The following BORA variants were observed in gnomAD, a reference collection of about 807,000 sequenced individuals.
BORA encodes protein aurora borealis.
Under a neutral mutation model 55.8 loss-of-function variants are expected in BORA, and 26 were observed. That is an observed-to-expected ratio of 0.47 (90% CI 0.34 to 0.65). BORA has a LOEUF of 0.65. Among genes scored for constraint, BORA ranks in the 30% least tolerant of loss-of-function variants. The pLI is 0.01. For synonymous variants in BORA, 201 were observed against 216.9 expected (o/e 0.93, Z 0.64); for missense variants, 568 against 671.5 (o/e 0.85, Z 1.70).
intron 5 of BORA, among the ~76,000 whole-genome samples, chr13:72,738,356 T>G (rs2032974707): frequency 6.6e-6 from 1 of 152,316 alleles, no homozygotes; most frequent in East Asian, 1.9e-4. Context: ...GTTAATGACT[T>G]TAGCAGTATT....
Position 72,755,452 on chromosome 13 carries a change from TTGAGTGA to T in BORA, c.*239_*245del, listed in dbSNP as rs1483857333. On this transcript the variant is annotated 3_prime_UTR_variant, in exon 12 of 12. Transcript: ENST00000390667. ...ATCAATAAATATTTTTATACTTACA[TTGAGTGA>T]TGTGTTTAACAACAAATTGTGACAG... 2 of 488,466 alleles carry T rather than the reference TTGAGTGA, an allele frequency of 4.1e-6. No homozygotes were observed. Among genetic ancestry groups the T allele is most frequent in the Non-Finnish European group, 7.2e-6 (2 of 276,654 alleles). The allele number at this position is 488,466 out of a possible 1,614,324, so 30.3% of individuals were successfully genotyped here.
chr13:72,732,950 G>T (rs935020309), intron 3 of BORA, among the ~76,000 whole-genome samples: 1 of 152,128 alleles, frequency 6.6e-6, no homozygotes, highest in African/African-American at 2.4e-5. Context: ...AATATAATTA[G>T]ACCAAAGTTG....
intron 5 of BORA, among the ~76,000 whole-genome samples, chr13:72,742,488 T>A (rs1262653554): frequency 6.6e-6 from 1 of 152,066 alleles, no homozygotes; most frequent in Non-Finnish European, 1.5e-5. Flanking sequence ...CATTTTAATC[T>A]GTTGAGGACA....
In BORA at chr13:72,746,001, A is replaced by C. The variant is rs770294178; in HGVS notation, c.796A>C (p.Ile266Leu). ...ASAKKYSLGS[I>L]TSPSPISSPT... ...TGCAAAAAAATACAGCTTGGGAAGC[A>C]TAACTAGTCCTTCGCCTATTTCTTC... is the stretch of plus-strand genomic sequence containing the variant. Residue 266 changes from isoleucine (I) to leucine (L), a missense_variant, in exon 9 of 12, where the codon ATA becomes CTA. Coordinates refer to ENST00000390667, the MANE Select transcript of BORA (RefSeq NM_024808.5). 1 of 1,612,924 alleles carries C rather than the reference A, an allele frequency of 6.2e-7. No homozygotes were observed. Among genetic ancestry groups the C allele is most frequent in the East Asian group, 2.2e-5 (1 of 44,814 alleles).
At chr13:72,731,198 T>C in intron 2 of BORA, 83 bp from the exon 3 acceptor site, 1 of 780,698 alleles carries the variant, frequency 1.3e-6, no homozygotes, top group South Asian at 1.6e-5. Context: ...TTATAACCAT[T>C]CATATTATTT....
intron 5 of BORA, among the ~76,000 whole-genome samples, chr13:72,741,910 C>G (rs903546146): frequency 6.6e-6 from 1 of 152,060 alleles, no homozygotes; most frequent in Non-Finnish European, 1.5e-5. Flanking sequence ...GTTTTAGGTA[C>G]TCAAATAATA....
chr13:72,749,686 T>C lies in BORA; in HGVS notation c.1482+2575T>C, dbSNP rs150556292. 6.5e-3 allele frequency among the ~76,000 whole-genome samples: 983 copies of C among 152,274 alleles called. 11 individuals are homozygous for C. The highest frequency in any genetic ancestry group is 0.021 in the African/African-American group (862 of 41,554). On this transcript the variant is annotated intron_variant, in intron 10 of 11. Transcript: ENST00000390667. ...TCTACTCTCCAGCTTGTTTCCTTCATTCTCTGTTTAGGTCCCACTAGCTTT... is the reference window on the plus strand; with the variant it reads ...TCTACTCTCCAGCTTGTTTCCTTCACTCTCTGTTTAGGTCCCACTAGCTTT...
chr13:72,741,623 G>C (rs369638631), intron 5 of BORA, among the ~76,000 whole-genome samples: 59 of 152,020 alleles, frequency 3.9e-4, no homozygotes, highest in African/African-American at 1.3e-3. Context: ...CAAATCCATC[G>C]ATTTTTTTTT....
chr13:72,727,993 G>A lies in BORA; in HGVS notation c.-30G>A. The A allele has an allele frequency of 2.6e-6, 4 of 1,542,416 alleles. No homozygotes were observed. Among genetic ancestry groups the A allele is most frequent in the Admixed American group, 2.0e-5 (1 of 49,606 alleles). ...CCCTGGAGTCGGTACTGGGGGCTTC[G>A]TTTTGTACGCACCGGTAGGTACGCT... On this transcript the variant is annotated 5_prime_UTR_variant, in exon 1 of 12. Transcript: ENST00000390667.
At chr13:72,735,769 G>A (rs987543717) in intron 4 of BORA, among the ~76,000 whole-genome samples, 7 of 149,634 alleles carry the variant, frequency 4.7e-5, no homozygotes, top group South Asian at 4.2e-4. Context: ...GCCACCACAC[G>A]CAGCTAATTT....
rs370200384 is a variant in BORA at position 72,753,836 on chromosome 13, T to C, written c.1614+15T>C. 16 of 1,600,006 alleles carry C rather than the reference T, an allele frequency of 1.0e-5. No individual in the cohort carries two copies. The highest frequency in any genetic ancestry group is 8.0e-5 in the African/African-American group (6 of 74,666). On this transcript the variant is annotated intron_variant, in intron 11 of 11. Transcript: ENST00000390667. ...TTAATATGAAGGTACGGAGAAAATA[T>C]AGTGAAAGCTTAATATTGTTTAGAT...
rs948244456 is a variant in BORA at position 72,735,081 on chromosome 13, TTTC to T, written c.306+80_306+82del. 2.0e-5 allele frequency: 23 copies of T among 1,165,506 alleles called. No individual in the cohort carries two copies. In the Admixed American group the frequency reaches 4.3e-4, roughly 22 times the overall value. 72.2% of individuals were successfully genotyped at this position (1,165,506 alleles called of 1,614,324 possible). On this transcript the variant is annotated intron_variant, in intron 4 of 11. Coordinates refer to ENST00000390667, the MANE Select transcript of BORA (RefSeq NM_024808.5). Reference sequence around the variant, plus strand: ...TGTACATCACTTCTTTTAGGAAGACTTTCTTCAATTCCTTCACTGTCCTATCTC... The same window carrying T: ...TGTACATCACTTCTTTTAGGAAGACTTTCAATTCCTTCACTGTCCTATCTC...
chr13:72,736,939 A>C (rs979978302), intron 4 of BORA, among the ~76,000 whole-genome samples: 2 of 148,528 alleles, frequency 1.3e-5, no homozygotes, highest in Non-Finnish European at 3.0e-5. Context: ...TAGGTCCTTT[A>C]ATTTTTTTTC....
chr13:72,739,041 TA>T (rs1325635290), intron 5 of BORA, among the ~76,000 whole-genome samples: 7 of 152,232 alleles, frequency 4.6e-5, no homozygotes, highest in African/African-American at 1.7e-4. Context: ...CTCCTACTTT[TA>T]TAAACCAGAG....
At chr13:72,746,222 G>GTTCCT in intron 9 of BORA, 146 bp downstream of exon 9, 1 of 895,278 alleles carries the variant, frequency 1.1e-6, no homozygotes, top group Non-Finnish European at 1.7e-6. Flanking sequence ...TTAAATAAAA[G>GTTCCT]AACAGTTTAC....
chr13:72,728,712 C>G (rs1308040835), intron 1 of BORA, among the ~76,000 whole-genome samples: 1 of 152,158 alleles, frequency 6.6e-6, no homozygotes, highest in Non-Finnish European at 1.5e-5. Flanking sequence ...AATAATATCA[C>G]TAGTAAGTTA....
intron 7 of BORA, among the ~76,000 whole-genome samples, chr13:72,744,767 A>G (rs2033107586): frequency 6.6e-6 from 1 of 152,230 alleles, no homozygotes; most frequent in East Asian, 1.9e-4. Context: ...GACAGAAACT[A>G]TAAACATTTT....
chr13:72,728,624 A>G (rs1456703316), intron 1 of BORA, among the ~76,000 whole-genome samples: 2 of 152,230 alleles, frequency 1.3e-5, no homozygotes, highest in Non-Finnish European at 2.9e-5. Context: ...TAGTTTCCTC[A>G]GAGGCAGATC....
intron 4 of BORA, among the ~76,000 whole-genome samples, chr13:72,735,385 A>G (rs550751979): frequency 6.6e-6 from 1 of 152,144 alleles, no homozygotes; most frequent in Non-Finnish European, 1.5e-5. Flanking sequence ...GAGGAAGTCG[A>G]ATATTCTCAG....
Sources: allele counts gnomAD v4.1 joint callset (sites outside exome capture counted in the v4.1 genomes callset), GRCh38; gene constraint gnomAD v4.1.1; transcripts MANE v1.5; gene names NCBI Gene and HGNC (gene_info 2026-07-23, HGNC 2026-07-21).